DOK6: variants seen among roughly 807,000 people sequenced by gnomAD.
DOK6 encodes downstream of tyrosine kinase 6.
Under a neutral mutation model 44.0 loss-of-function variants are expected in DOK6, and 22 were observed. The ratio of observed to expected loss-of-function variants is 0.50; its 90% CI spans 0.36 to 0.71. The LOEUF is 0.71. DOK6 is among the 30% of genes least tolerant of loss of function. The pLI is 0.00. For missense variants in DOK6, 340 were observed against 416.4 expected, an observed-to-expected ratio of 0.82 and a Z score of 1.60; for synonymous variants, 166 against 145.5, an observed-to-expected ratio of 1.14 and a Z score of -1.01.
At chr18:69,509,049 A>G (rs1399726410) in intron 1 of DOK6, among the ~76,000 whole-genome samples, 1 of 152,228 alleles carries the variant, frequency 6.6e-6, no homozygotes, top group African/African-American at 2.4e-5. Flanking sequence ...CTAATATTAC[A>G]TATTTTAACA....
At chr18:69,693,099 C>A (rs958748208) in intron 4 of DOK6, among the ~76,000 whole-genome samples, 1 of 152,064 alleles carries the variant, frequency 6.6e-6, no homozygotes, top group East Asian at 1.9e-4. Flanking sequence ...ATAAGGAGTT[C>A]ACATGTACTT....
rs1982305512 is a variant in DOK6, at chr18:69,844,512, C to T, written c.*3129C>T. On this transcript the variant is annotated 3_prime_UTR_variant, in exon 8 of 8. Coordinates refer to ENST00000382713, the MANE Select transcript of DOK6 (RefSeq NM_152721.6). ...CACATGATTGATGCATGATATTACACTTAAAATGCAGGAGAGTACAAAACA... is the reference window on the plus strand; with the variant it reads ...CACATGATTGATGCATGATATTACATTTAAAATGCAGGAGAGTACAAAACA... 1 of 152,034 alleles carries T rather than the reference C, an allele frequency of 6.6e-6. No individual in the cohort carries two copies. The highest frequency in any genetic ancestry group is 2.4e-5 in the African/African-American group (1 of 41,396). The allele number at this position is 152,034 out of a possible 1,614,324, so 9.4% of individuals were successfully genotyped here. A position where few individuals can be genotyped will look rare whatever the true frequency, so the allele number is the denominator to read the frequency against.
chr18:69,498,677 G>A (rs1052403620), intron 1 of DOK6, among the ~76,000 whole-genome samples: 14 of 152,204 alleles, frequency 9.2e-5, no homozygotes, highest in Admixed American at 3.9e-4. Context: ...TATAATTTTG[G>A]GGTGAATTGG....
chr18:69,727,973 C>T (rs1199038516), intron 5 of DOK6, among the ~76,000 whole-genome samples: 1 of 152,152 alleles, frequency 6.6e-6, no homozygotes, highest in Non-Finnish European at 1.5e-5. Flanking sequence ...ATAAAAGGAA[C>T]CCCAGATTCA....
intron 4 of DOK6, among the ~76,000 whole-genome samples, chr18:69,691,401 A>C (rs935744531): frequency 1.3e-5 from 2 of 148,718 alleles, no homozygotes; most frequent in African/African-American, 5.0e-5. Flanking sequence ...AGCCCCATGA[A>C]AGAGGAAGGG....
At chr18:69,801,423 T>C (rs554160741) in intron 7 of DOK6, among the ~76,000 whole-genome samples, 1 of 152,338 alleles carries the variant, frequency 6.6e-6, no homozygotes, top group Non-Finnish European at 1.5e-5. Context: ...AATGATAATT[T>C]CAAGGCCACC....
chr18:69,743,420 A>G (rs1008559269), intron 6 of DOK6, among the ~76,000 whole-genome samples: 10 of 152,184 alleles, frequency 6.6e-5, no homozygotes, highest in African/African-American at 2.4e-4. Context: ...CACTCATCAG[A>G]AACTGTATCA....
intron 4 of DOK6, among the ~76,000 whole-genome samples, chr18:69,690,175 A>G (rs933552324): frequency 2.0e-5 from 3 of 152,138 alleles, no homozygotes; most frequent in African/African-American, 4.8e-5. Context: ...GGAATTTTAA[A>G]AAGATACTGT....
At chr18:69,557,832 G>A (rs1442030177) in intron 1 of DOK6, among the ~76,000 whole-genome samples, 1 of 152,068 alleles carries the variant, frequency 6.6e-6, no homozygotes, top group African/African-American at 2.4e-5. Flanking sequence ...CACTGGGAAG[G>A]TACATTTTCT....
At chr18:69,534,487 T>G (rs918010628) in intron 1 of DOK6, among the ~76,000 whole-genome samples, 2 of 152,162 alleles carry the variant, frequency 1.3e-5, no homozygotes, top group African/African-American at 4.8e-5. Context: ...TATTCTATAT[T>G]TGCTTCTAAA....
At chr18:69,528,583 T>C (rs1981900044) in intron 1 of DOK6, among the ~76,000 whole-genome samples, 1 of 152,188 alleles carries the variant, frequency 6.6e-6, no homozygotes, top group Admixed American at 6.5e-5. Context: ...ATCTTGCCAA[T>C]TTGTATGGTG....
At chr18:69,641,909 C>A (rs1302308078) in intron 3 of DOK6, among the ~76,000 whole-genome samples, 1 of 152,190 alleles carries the variant, frequency 6.6e-6, no homozygotes, top group Non-Finnish European at 1.5e-5. Flanking sequence ...CTCTCTCCAG[C>A]CACCCTCATT....
At chr18:69,444,351 A>G (rs529282836) in intron 1 of DOK6, among the ~76,000 whole-genome samples, 1 of 152,302 alleles carries the variant, frequency 6.6e-6, no homozygotes, top group African/African-American at 2.4e-5. Context: ...TTGTGGATGT[A>G]TAACTCCAGG....
At chr18:69,717,601 G>A (rs1986913320) in intron 5 of DOK6, among the ~76,000 whole-genome samples, 1 of 152,192 alleles carries the variant, frequency 6.6e-6, no homozygotes, top group Non-Finnish European at 1.5e-5. Flanking sequence ...TTTAGTCACA[G>A]GCAGAGAGAG....
chr18:69,574,768 T>C (rs183508254), intron 2 of DOK6, among the ~76,000 whole-genome samples: 76 of 152,224 alleles, frequency 5.0e-4, no homozygotes, highest in African/African-American at 1.7e-3. Flanking sequence ...GTTAAAATGT[T>C]TTTTGTCATA....
At chr18:69,526,321 G>A (rs1162967263) in intron 1 of DOK6, among the ~76,000 whole-genome samples, 1 of 152,070 alleles carries the variant, frequency 6.6e-6, no homozygotes, top group Non-Finnish European at 1.5e-5. Flanking sequence ...CATATAAATG[G>A]AATGTACACA....
chr18:69,506,374 C>T (rs1981185869), intron 1 of DOK6, among the ~76,000 whole-genome samples: 3 of 152,034 alleles, frequency 2.0e-5, no homozygotes, highest in Admixed American at 6.6e-5. Context: ...TTAATCACTC[C>T]CCACAAATTT....
chr18:69,462,087 G>C (rs376136761), intron 1 of DOK6, among the ~76,000 whole-genome samples: 38 of 152,242 alleles, frequency 2.5e-4, no homozygotes, highest in African/African-American at 8.4e-4. Context: ...CAAGTAGATA[G>C]GATATCTCTT....
intron 1 of DOK6, among the ~76,000 whole-genome samples, chr18:69,551,230 AAC>A: frequency 6.6e-6 from 1 of 152,340 alleles, no homozygotes; most frequent in Non-Finnish European, 1.5e-5. Context: ...CCGAGAAAAT[AAC>A]ACAGTTACAT....
Sources: gnomAD v4.1 joint callset for allele counts (sites outside exome capture counted in the v4.1 genomes callset) on GRCh38, gnomAD v4.1.1 for gene constraint, MANE v1.5 for transcripts, NCBI Gene and HGNC (gene_info 2026-07-23, HGNC 2026-07-21) for gene names.